The following MDGA2 variants were observed in gnomAD, a reference collection of about 807,000 sequenced individuals.
MDGA2 encodes MAM domain containing glycosylphosphatidylinositol anchor 2.
A neutral mutation model predicts 117.8 loss-of-function variants in MDGA2; 40 were observed. The observed-to-expected ratio is 0.34, with a 90% CI of 0.26 to 0.44. The LOEUF (loss-of-function observed/expected upper bound fraction) is 0.44, where lower values mean the gene tolerates loss of function less well. Among genes scored for constraint, MDGA2 ranks in the 20% least tolerant of loss-of-function variants. The pLI, the probability that MDGA2 is intolerant of heterozygous loss-of-function variation, is 1.00. For synonymous variants in MDGA2, 452 were observed against 439.0 expected (o/e 1.03, Z -0.37); for missense variants, 1,123 against 1,250.6 (o/e 0.90, Z 1.54).
intron 1 of MDGA2, among the ~76,000 whole-genome samples, chr14:47,392,759 CA>C (rs1260365440): frequency 6.6e-6 from 1 of 151,266 alleles, no homozygotes. Flanking sequence ...ATTTTTAAAC[CA>C]AAAAATAAAA....
intron 3 of MDGA2, among the ~76,000 whole-genome samples, chr14:47,144,928 C>A (rs966042908): frequency 6.7e-6 from 1 of 150,064 alleles, no homozygotes; most frequent in African/African-American, 2.5e-5. Flanking sequence ...AGATTACAGG[C>A]GTGAACTACT....
At chr14:47,259,216 T>C (rs1887717214) in intron 2 of MDGA2, among the ~76,000 whole-genome samples, 1 of 151,986 alleles carries the variant, frequency 6.6e-6, no homozygotes. Context: ...ATAAGAGTGA[T>C]TATAATGGGT....
chr14:47,670,542 T>C (rs957542386), intron 1 of MDGA2, among the ~76,000 whole-genome samples: 21 of 152,288 alleles, frequency 1.4e-4, no homozygotes, highest in Non-Finnish European at 2.8e-4. Flanking sequence ...CTTACTACCA[T>C]ACAATGACTT....
rs55827732 is a variant in MDGA2, at chr14:47,155,888, CTTTTTTTTTTTTTTTTTTTTTTTTTT to C, written c.596-11640_596-11615del. Among the ~76,000 whole-genome samples, 324 of 40,206 alleles carry C rather than the reference CTTTTTTTTTTTTTTTTTTTTTTTTTT, an allele frequency of 8.1e-3. 5 individuals are homozygous for C. In the East Asian group the frequency reaches 0.087, roughly 11 times the overall value. The allele number at this position is 40,206 out of a possible 152,430, so 26.4% of individuals were successfully genotyped here. A position where few individuals can be genotyped will look rare whatever the true frequency, so the allele number is the denominator to read the frequency against. On this transcript the variant is annotated intron_variant, in intron 3 of 16. Coordinates refer to ENST00000399232, the MANE Select transcript of MDGA2 (RefSeq NM_001113498.3). ...ATTCTTTTCTTTTCTTCTTCTTCTT[CTTTTTTTTTTTTTTTTTTTTTTTTTT>C]TTTTTTTTTTTTTTTTTGAGACAGA... is the stretch of plus-strand genomic sequence containing the variant.
chr14:47,441,632 T>A (rs1893013166), intron 1 of MDGA2, among the ~76,000 whole-genome samples: 1 of 152,132 alleles, frequency 6.6e-6, no homozygotes, highest in Non-Finnish European at 1.5e-5. Context: ...CTCCCTTTCC[T>A]CATGGAATTG....
At chr14:47,063,899 G>C (rs1383793949) in intron 6 of MDGA2, among the ~76,000 whole-genome samples, 1 of 151,896 alleles carries the variant, frequency 6.6e-6, no homozygotes, top group Non-Finnish European at 1.5e-5. Context: ...TTACCATGCA[G>C]CTATTGTTTT....
Position 47,064,468 on chromosome 14 carries a change from G to A in MDGA2, c.1196-2890C>T, listed in dbSNP as rs1015021756. ...GTTCAGATAAAAGGTGTGTGTGCGT[G>A]TACTCATATATAGTAACAGAGGACA... On this transcript the variant is annotated intron_variant, in intron 6 of 16. Coordinates refer to ENST00000399232, the MANE Select transcript of MDGA2 (RefSeq NM_001113498.3). Among the ~76,000 whole-genome samples the A allele has an allele frequency of 4.6e-5, 7 of 152,086 alleles. No homozygotes were observed. The South Asian group carries it at 1.2e-3, about 27-fold the overall frequency.
intron 3 of MDGA2, among the ~76,000 whole-genome samples, chr14:47,216,953 G>A (rs1886113336): frequency 1.3e-5 from 2 of 152,120 alleles, no homozygotes; most frequent in Non-Finnish European, 2.9e-5. Context: ...AGATACTGGA[G>A]AGGATGAAAC....
At chr14:47,670,890 T>A (rs1276978648) in intron 1 of MDGA2, among the ~76,000 whole-genome samples, 2 of 151,854 alleles carry the variant, frequency 1.3e-5, no homozygotes, top group Admixed American at 6.5e-5. Context: ...GAAGTAAAAT[T>A]TTTTAAATGC....
intron 3 of MDGA2, among the ~76,000 whole-genome samples, chr14:47,216,383 A>G (rs181260431): frequency 1.2e-3 from 186 of 152,280 alleles, no homozygotes; most frequent in African/African-American, 4.2e-3. Context: ...CATCTATTAC[A>G]TAACAAACTT....
At chr14:47,633,718 C>T (rs1897277230) in intron 1 of MDGA2, among the ~76,000 whole-genome samples, 1 of 152,162 alleles carries the variant, frequency 6.6e-6, no homozygotes, top group African/African-American at 2.4e-5. Context: ...TTGCAGAATT[C>T]TACTGATGCT....
intron 2 of MDGA2, among the ~76,000 whole-genome samples, chr14:47,254,539 A>C (rs1196208699): frequency 6.6e-6 from 1 of 152,184 alleles, no homozygotes; most frequent in Non-Finnish European, 1.5e-5. Flanking sequence ...CCTTATCACT[A>C]TCAGCATTTT....
chr14:46,959,565 T>C (rs762307681), intron 8 of MDGA2, among the ~76,000 whole-genome samples: 2 of 152,112 alleles, frequency 1.3e-5, no homozygotes, highest in African/African-American at 4.8e-5. Flanking sequence ...ACTTTATTCA[T>C]TGACATTTAC....
intron 2 of MDGA2, among the ~76,000 whole-genome samples, chr14:47,291,488 C>T (rs112624187): frequency 1.5e-4 from 19 of 126,020 alleles, no homozygotes; most frequent in Admixed American, 1.1e-3. Flanking sequence ...ATAACCCCAA[C>T]GCAACTTGAA....
At chr14:47,069,238 T>C (rs895303233) in intron 6 of MDGA2, among the ~76,000 whole-genome samples, 1 of 152,248 alleles carries the variant, frequency 6.6e-6, no homozygotes, top group Non-Finnish European at 1.5e-5. Context: ...TCCTAATCAA[T>C]TAATCCAATA....
intron 1 of MDGA2, among the ~76,000 whole-genome samples, chr14:47,342,282 A>ATATATATATATATATATATATAT (rs1566746810): frequency 7.2e-6 from 1 of 138,676 alleles, no homozygotes; most frequent in Non-Finnish European, 1.6e-5. Flanking sequence ...ATATATATAT[A>ATATATATATATATATATATATAT]AAATATGTTA....
intron 9 of MDGA2, among the ~76,000 whole-genome samples, chr14:46,923,468 C>G (rs1884209988): frequency 6.6e-6 from 1 of 151,966 alleles, no homozygotes; most frequent in African/African-American, 2.4e-5. Flanking sequence ...TACTTAGAAT[C>G]ATGAGATTAG....
In MDGA2 at chr14:47,144,074, A is replaced by T. The variant is rs372139163; in HGVS notation, c.792+4T>A. On this transcript the variant is annotated splice_donor_region_variant and intron_variant, in intron 4 of 16. Coordinates refer to ENST00000399232, the MANE Select transcript of MDGA2 (RefSeq NM_001113498.3). ...GGGTGGAAATACTGTACCTTAATTCATACCTGGGTAAAGAATGGTTCATAA... is the reference window on the plus strand; with the variant it reads ...GGGTGGAAATACTGTACCTTAATTCTTACCTGGGTAAAGAATGGTTCATAA... The T allele has an allele frequency of 2.4e-5, 37 of 1,545,102 alleles. No individual in the cohort carries two copies. The African/African-American group carries it at 4.9e-4, about 21-fold the overall frequency.
In MDGA2 at chr14:47,072,112, G is replaced by A. The variant is rs11157537; in HGVS notation, c.1196-10534C>T. On this transcript the variant is annotated intron_variant, in intron 6 of 16. Transcript: ENST00000399232. The stretch of plus-strand genomic sequence containing the variant: ...TGGTTGTTGTTGTTTGGGGGGGGGG[G>A]GGTTTGCAGGTATTATATGTTGCAG... Among the ~76,000 whole-genome samples the A allele has an allele frequency of 7.5e-5, 8 of 106,952 alleles. 1 individual carries two copies. The highest frequency in any genetic ancestry group is 1.8e-4 in the African/African-American group (5 of 27,358). The allele number at this position is 106,952 out of a possible 152,430, so 70.2% of individuals were successfully genotyped here. A position where few individuals can be genotyped will look rare whatever the true frequency, so the allele number is the denominator to read the frequency against.
Sources: allele counts gnomAD v4.1 joint callset (sites outside exome capture counted in the v4.1 genomes callset), GRCh38; gene constraint gnomAD v4.1.1; transcripts MANE v1.5; gene names NCBI Gene and HGNC (gene_info 2026-07-23, HGNC 2026-07-21).